The following C8A variants were observed in gnomAD, a reference collection of about 807,000 sequenced individuals.
C8A encodes the protein complement component C8 alpha chain.
In C8A, 67 loss-of-function variants were observed where a neutral mutation model predicts 65.3. The observed-to-expected ratio is 1.03, with a 90% CI of 0.84 to 1.26. The LOEUF (loss-of-function observed/expected upper bound fraction) is 1.26. C8A is among the 50% of genes most tolerant of loss of function. The probability of loss-of-function intolerance (pLI) is 0.00; values close to 1 mark genes in which losing one functional copy is unlikely to be tolerated. For synonymous variants in C8A, 290 were observed against 259.4 expected (o/e 1.12, Z -1.13); for missense variants, 781 against 723.9 (o/e 1.08, Z -0.90).
At chr1:56,896,926 C>G (rs1644391088) in intron 7 of C8A, among the ~76,000 whole-genome samples, 1 of 152,164 alleles carries the variant, frequency 6.6e-6, no homozygotes, top group Admixed American at 6.5e-5. Context: ...ACCCTTCAAG[C>G]TCTATTTTAT....
chr1:56,896,944 C>T (rs1003755044), intron 7 of C8A, among the ~76,000 whole-genome samples: 31 of 152,140 alleles, frequency 2.0e-4, no homozygotes, highest in Admixed American at 8.5e-4. Flanking sequence ...TATGGCTGTC[C>T]TCATTTCACA....
chr1:56,906,717 C>G lies in C8A; in HGVS notation c.1147C>G (p.Gln383Glu). The G allele has an allele frequency of 6.2e-7, 1 of 1,613,910 alleles. No homozygotes were observed. Residue 383 changes from glutamine (Q) to glutamate (E), a missense_variant, in exon 8 of 11, where the codon CAA becomes GAA. Gln to Glu is a conservative substitution (Grantham distance 29). Transcript: ENST00000361249. The stretch of plus-strand genomic sequence containing the variant: ...ATGTTTTGGAGGCTCCTTGGGCATT[C>G]AATATGAAGACAAAATAAATGTTGG... The part of the protein sequence containing the change: ...TTCFGGSLGI[Q>E]YEDKINVGGG...
At chr1:56,879,288 G>A (rs1022534314) in intron 4 of C8A, among the ~76,000 whole-genome samples, 3 of 152,148 alleles carry the variant, frequency 2.0e-5, no homozygotes, top group Non-Finnish European at 4.4e-5. Context: ...CAAAAATGCT[G>A]CAATGAACAT....
chr1:56,897,813 T>A (rs1280267614), intron 7 of C8A, among the ~76,000 whole-genome samples: 3 of 152,176 alleles, frequency 2.0e-5, no homozygotes, highest in Non-Finnish European at 4.4e-5. Context: ...CATCCATTCA[T>A]CCACTCATTC....
intron 7 of C8A, 40 bp from the exon 8 acceptor site, chr1:56,906,627 A>G (rs1356867748): frequency 1.2e-6 from 2 of 1,613,122 alleles, no homozygotes; most frequent in African/African-American, 1.3e-5. Context: ...GTGTCTTTTA[A>G]TAACTCAGCA....
Position 56,881,637 on chromosome 1 carries a change from A to G in C8A, c.654+3A>G. Reference sequence around the variant, plus strand: ...ACTTTCTGAAGTACCACTTTGAAGTAAGTCTGAACAGAGGGGCTCTGAGGC... The same window carrying G: ...ACTTTCTGAAGTACCACTTTGAAGTGAGTCTGAACAGAGGGGCTCTGAGGC... On this transcript the variant is annotated splice_donor_region_variant and intron_variant, in intron 5 of 10. Transcript: ENST00000361249. 1 of 1,612,490 alleles carries G rather than the reference A, an allele frequency of 6.2e-7. No homozygotes were observed. The highest frequency in any genetic ancestry group is 8.5e-7 in the Non-Finnish European group (1 of 1,179,504).
chr1:56,901,665 T>G (rs947442353), intron 7 of C8A, among the ~76,000 whole-genome samples: 3 of 152,086 alleles, frequency 2.0e-5, no homozygotes, highest in Non-Finnish European at 2.9e-5. Flanking sequence ...CACTCTGGAG[T>G]TTAAGTCACA....
rs143726641 is a variant in C8A, at chr1:56,917,703, C to G, written c.1742C>G (p.Thr581Arg). 188 of 1,614,142 alleles carry G rather than the reference C, an allele frequency of 1.2e-4. No homozygotes were observed. In the South Asian group the frequency reaches 2.0e-3, roughly 17 times the overall value. ...GASCPGRKVQTQAC is the reference protein window; with the variant it reads ...GASCPGRKVQRQAC ...TCGTGTCCAGGGCGGAAAGTACAGACGCAGGCTTGCTGAGGGCCTCTGGAC... is the reference window on the plus strand; with the variant it reads ...TCGTGTCCAGGGCGGAAAGTACAGAGGCAGGCTTGCTGAGGGCCTCTGGAC... Residue 581 changes from threonine (T) to arginine (R), a missense_variant, in exon 11 of 11, where the codon ACG becomes AGG. Physicochemically the swap from Thr to Arg is moderately conservative, Grantham distance 71. Coordinates refer to ENST00000361249, the MANE Select transcript of C8A (RefSeq NM_000562.3).
intron 1 of C8A, among the ~76,000 whole-genome samples, chr1:56,859,324 T>A (rs1644008030): frequency 2.0e-5 from 3 of 152,220 alleles, no homozygotes; most frequent in Admixed American, 2.0e-4. Context: ...AGCACTAGGG[T>A]ACAATGGTGA....
intron 1 of C8A, among the ~76,000 whole-genome samples, chr1:56,863,831 TCCCTCTCTCACTCCCTTCCCTCCCA>T (rs367670806): frequency 1.3e-3 from 190 of 151,292 alleles, no homozygotes; most frequent in African/African-American, 4.3e-3. Flanking sequence ...TTCCCTTCCC[TCCCTCTCTCACTCCCTTCCCTCCCA>T]CCCTCTCTCC....
chr1:56,856,966 T>C (rs1643982999), intron 1 of C8A, among the ~76,000 whole-genome samples: 1 of 152,086 alleles, frequency 6.6e-6, no homozygotes, highest in Non-Finnish European at 1.5e-5. Context: ...AATAACACCT[T>C]TCATTATGTG....
Position 56,917,804 on chromosome 1 carries a change from G to A in C8A, c.*88G>A. 6.6e-7 allele frequency: 1 copy of A among 1,514,520 alleles called. No homozygotes were observed. The highest frequency in any genetic ancestry group is 1.7e-5 in the Admixed American group (1 of 57,292). The allele number at this position is 1,514,520 out of a possible 1,614,324, so 93.8% of individuals were successfully genotyped here. A position where few individuals can be genotyped will look rare whatever the true frequency, so the allele number is the denominator to read the frequency against. ...TAAAGACTTCTTTCAACTAAGAGAA[G>A]ATGCAAATCAGCACACTTTTTTCTT... is the stretch of plus-strand genomic sequence containing the variant. On this transcript the variant is annotated 3_prime_UTR_variant, in exon 11 of 11. Transcript: ENST00000361249.
intron 4 of C8A, among the ~76,000 whole-genome samples, chr1:56,878,187 C>T (rs1377098848): frequency 6.6e-6 from 1 of 152,088 alleles, no homozygotes; most frequent in African/African-American, 2.4e-5. Context: ...ACACCACTCA[C>T]ATTGGATAAC....
chr1:56,872,038 A>T (rs914112110), intron 2 of C8A, among the ~76,000 whole-genome samples: 1 of 152,196 alleles, frequency 6.6e-6, no homozygotes, highest in Non-Finnish European at 1.5e-5. Flanking sequence ...TGTACAACAG[A>T]TATGCTAAGG....
intron 1 of C8A, among the ~76,000 whole-genome samples, chr1:56,856,870 G>GA (rs1643982066): frequency 6.6e-6 from 1 of 151,876 alleles, no homozygotes; most frequent in East Asian, 1.9e-4. Flanking sequence ...TGTTATTTGA[G>GA]AAAAACATTT....
At chr1:56,887,492 T>A (rs1397000620) in intron 7 of C8A, among the ~76,000 whole-genome samples, 1 of 152,230 alleles carries the variant, frequency 6.6e-6, no homozygotes, top group African/African-American at 2.4e-5. Context: ...GTTGGCCACA[T>A]AAATGTCTTC....
intron 7 of C8A, among the ~76,000 whole-genome samples, chr1:56,894,507 C>G (rs975046973): frequency 6.6e-6 from 1 of 152,168 alleles, no homozygotes; most frequent in East Asian, 1.9e-4. Context: ...AAAGACCCTT[C>G]CAGCAAGAGT....
chr1:56,916,584 GC>G (rs1054554782), intron 10 of C8A, among the ~76,000 whole-genome samples: 4 of 152,186 alleles, frequency 2.6e-5, no homozygotes, highest in Admixed American at 1.3e-4. Context: ...GATCTGAGGA[GC>G]CCTGGGGTCT....
At chr1:56,892,856 G>A (rs974016644) in intron 7 of C8A, among the ~76,000 whole-genome samples, 2 of 152,124 alleles carry the variant, frequency 1.3e-5, no homozygotes, top group Non-Finnish European at 2.9e-5. Context: ...AAGAATCTCA[G>A]GGAGTCTGAT....
Sources: allele counts gnomAD v4.1 joint callset (sites outside exome capture counted in the v4.1 genomes callset), GRCh38; gene constraint gnomAD v4.1.1; transcripts MANE v1.5; gene names NCBI Gene and HGNC (gene_info 2026-07-23, HGNC 2026-07-21).